Variants in UGGT1 observed in about 807,000 individuals in gnomAD.
UGGT1 encodes UDP-glucose glycoprotein glucosyltransferase 1, also known as UDP-glucose:glycoprotein glucosyltransferase 1.
UGGT1 carries 107 observed loss-of-function variants against 203.9 expected under a neutral mutation model. That is an observed-to-expected ratio of 0.52 (90% CI 0.45 to 0.62). The LOEUF is 0.62. Among genes scored for constraint, UGGT1 ranks in the 20% least tolerant of loss-of-function variants. The pLI, the probability that UGGT1 is intolerant of heterozygous loss-of-function variation, is 0.00. For missense variants in UGGT1, 1,673 were observed against 1,867.2 expected (o/e 0.90, Z 1.92); for synonymous variants, 628 against 653.5 (o/e 0.96, Z 0.59).
chr2:128,177,004 T>C, intron 32 of UGGT1, 106 bp downstream of exon 32: 1 of 1,111,754 alleles, frequency 9.0e-7, no homozygotes, highest in Non-Finnish European at 1.3e-6. Flanking sequence ...CTATGGCAAT[T>C]ATAGGGATAC....
chr2:128,176,870 A>G lies in UGGT1; in HGVS notation c.3596A>G (p.Asn1199Ser). ...DADEVVIVLNNFKSKIIKVKV... is the reference protein window; with the variant it reads ...DADEVVIVLNSFKSKIIKVKV... ...GATGAGGTGGTTATCGTCCTCAACA[A>G]CTTCAAAAGCAAAATTATTAAAGTG... Residue 1199 changes from asparagine (N) to serine (S), a missense_variant, in exon 32 of 41, where the codon AAC becomes AGC. Asn to Ser is a conservative substitution (Grantham distance 46). This residue lies in a region of UGGT1 where 513 missense variants were observed against 684.1 expected (regional missense o/e 0.75). Coordinates refer to ENST00000259253, the MANE Select transcript of UGGT1 (RefSeq NM_020120.4). 6.2e-7 allele frequency: 1 copy of G among 1,614,134 alleles called. No homozygotes were observed. The highest frequency in any genetic ancestry group is 8.5e-7 in the Non-Finnish European group (1 of 1,180,008).
intron 10 of UGGT1, among the ~76,000 whole-genome samples, 172 bp downstream of exon 10, chr2:128,121,470 ATC>A (rs1271777264): frequency 2.7e-5 from 4 of 147,810 alleles, no homozygotes; most frequent in African/African-American, 5.0e-5. Context: ...CAGTGGTGCA[ATC>A]TCGGCTTACC....
intron 36 of UGGT1, 125 bp from the exon 37 acceptor site, chr2:128,182,005 T>A: frequency 1.2e-6 from 1 of 843,828 alleles, no homozygotes. Flanking sequence ...CTGCCCCTAG[T>A]GCCTGTGCCA....
intron 33 of UGGT1, 102 bp downstream of exon 33, chr2:128,178,022 C>A: frequency 1.0e-6 from 1 of 992,090 alleles, no homozygotes; most frequent in East Asian, 2.7e-5. Context: ...GGGCCTTTCA[C>A]ATTCTACTTT....
chr2:128,172,883 T>G lies in UGGT1; in HGVS notation c.3294+121T>G. Reference sequence around the variant, plus strand: ...GTATGATATTTTTTTAAACAACAGCTTTATTCACATGGAACTCATATACCA... The same window carrying G: ...GTATGATATTTTTTTAAACAACAGCGTTATTCACATGGAACTCATATACCA... On this transcript the variant is annotated intron_variant, in intron 29 of 40. Transcript: ENST00000259253. 1.3e-5 allele frequency: 12 copies of G among 907,568 alleles called. No homozygotes were observed. In the South Asian group the frequency reaches 2.1e-4, roughly 16 times the overall value. 56.2% of individuals were successfully genotyped at this position (907,568 alleles called of 1,614,324 possible).
At chr2:128,183,937 T>TGTGTGTGAGA (rs151153786) in intron 38 of UGGT1, 148 bp downstream of exon 38, 25 of 328,594 alleles carry the variant, frequency 7.6e-5, no homozygotes, top group Admixed American at 1.4e-4. Context: ...TGTGTGTGTG[T>TGTGTGTGAGA]GAGAGAGAGA....
At chr2:128,146,123 A>G (rs1312389465) in intron 18 of UGGT1, among the ~76,000 whole-genome samples, 156 bp downstream of exon 18, 1 of 152,156 alleles carries the variant, frequency 6.6e-6, no homozygotes, top group African/African-American at 2.4e-5. Flanking sequence ...AACCTGGGCA[A>G]TATGGCAAGA....
At position 128,142,584 on chromosome 2, in the gene UGGT1, C is replaced by CA. The variant is rs140971109; in HGVS notation, c.1720-493dup. Among the ~76,000 whole-genome samples the CA allele has an allele frequency of 9.5e-3, 543 of 57,132 alleles. 3 individuals are homozygous for CA. Among genetic ancestry groups the CA allele is most frequent in the Middle Eastern group, 0.071 (5 of 70 alleles). 37.5% of individuals were successfully genotyped at this position (57,132 alleles called of 152,430 possible). On this transcript the variant is annotated intron_variant, in intron 16 of 40. Coordinates refer to ENST00000259253, the MANE Select transcript of UGGT1 (RefSeq NM_020120.4). ...TGGGTGACAGAGTGAGACTCCATCT[C>CA]AAAAAAAAAAAAAAAAAGAATATTT... is the stretch of plus-strand genomic sequence containing the variant.
At chr2:128,113,454 C>T (rs909021594) in intron 6 of UGGT1, among the ~76,000 whole-genome samples, 196 bp downstream of exon 6, 1 of 152,136 alleles carries the variant, frequency 6.6e-6, no homozygotes, top group Non-Finnish European at 1.5e-5. Flanking sequence ...AAATATAAAA[C>T]ATGCTAAAAA....
In UGGT1 at chr2:128,161,222, C is replaced by A; in HGVS notation, c.2779C>A (p.Gln927Lys). ...AAATATCATCTTAAAAACCTCAGGA[C>A]AGAAAATAAAATCTCATATTCAACA... ...LENIILKTSG[Q>K]KIKSHIQQLR... The change falls in exon 25 of 41, where the codon CAG (glutamine) becomes AAG (lysine). Residue 927 changes from glutamine (Q) to lysine (K), a missense_variant. Physicochemically the swap from Gln to Lys is moderately conservative, Grantham distance 53 (BLOSUM62 1). Around this residue, in one of 4 missense-constraint regions of UGGT1, gnomAD observed 1,073 missense variants for 1,078.7 expected, o/e 0.99. Transcript: ENST00000259253. 1 of 1,613,898 alleles carries A rather than the reference C, an allele frequency of 6.2e-7. No individual in the cohort carries two copies. The highest frequency in any genetic ancestry group is 1.3e-5 in the African/African-American group (1 of 75,008).
intron 1 of UGGT1, among the ~76,000 whole-genome samples, chr2:128,093,864 A>G (rs1000909703): frequency 2.0e-5 from 3 of 152,240 alleles, no homozygotes; most frequent in African/African-American, 4.8e-5. Flanking sequence ...AGTGCCAGGC[A>G]TCATGCTGTG....
chr2:128,170,167 TC>T, intron 26 of UGGT1, 120 bp from the exon 27 acceptor site: 1 of 738,796 alleles, frequency 1.4e-6, no homozygotes, highest in Non-Finnish European at 2.3e-6. Flanking sequence ...ACTGTCATAG[TC>T]TAGTCTTTCT....
chr2:128,174,948 CAACATG>C (rs1387313496), intron 31 of UGGT1, 90 bp downstream of exon 31: 1 of 1,098,660 alleles, frequency 9.1e-7, no homozygotes, highest in Non-Finnish European at 1.3e-6. Flanking sequence ...GTTAGCCAGG[CAACATG>C]AATTTAATTT....
intron 38 of UGGT1, among the ~76,000 whole-genome samples, chr2:128,185,261 G>A (rs374632648): frequency 6.7e-6 from 1 of 149,206 alleles, no homozygotes; most frequent in East Asian, 2.0e-4. Context: ...GTGCAGTGGC[G>A]TAATCTCAGC....
Position 128,116,279 on chromosome 2 carries a change from A to C in UGGT1, c.808A>C (p.Thr270Pro). 6.2e-7 allele frequency: 1 copy of C among 1,608,748 alleles called. No individual in the cohort carries two copies. The highest frequency in any genetic ancestry group is 8.5e-7 in the Non-Finnish European group (1 of 1,175,374). ...DTQVKGTEVN[T>P]TVIGENDPID... ...TTCTTTCATAGGAACTGAGGTAAAC[A>C]CCACAGTGATTGGTGAAAATGATCC... The change falls in exon 8 of 41, where the codon ACC becomes CCC. Residue 270 changes from threonine (T) to proline (P), a missense_variant. By Grantham distance (38) the Thr-to-Pro change is conservative. Around this residue, in one of 4 missense-constraint regions of UGGT1, gnomAD observed 1,073 missense variants for 1,078.7 expected, o/e 0.99. Coordinates refer to ENST00000259253, the MANE Select transcript of UGGT1 (RefSeq NM_020120.4).
At position 128,189,976 on chromosome 2, in the gene UGGT1, A is replaced by C; in HGVS notation, c.*234A>C. The C allele has an allele frequency of 2.1e-6, 1 of 475,780 alleles. No individual in the cohort carries two copies. The highest frequency in any genetic ancestry group is 3.8e-6 in the Non-Finnish European group (1 of 263,970). 29.5% of individuals were successfully genotyped at this position (475,780 alleles called of 1,614,324 possible). On this transcript the variant is annotated 3_prime_UTR_variant, in exon 41 of 41. Coordinates refer to ENST00000259253, the MANE Select transcript of UGGT1 (RefSeq NM_020120.4). The stretch of plus-strand genomic sequence containing the variant: ...GAAGACCAAGTGGCTGATCCTTTGG[A>C]CTCTGTAAAGAGCATTCTTCTAGTC...
chr2:128,157,209 C>A, intron 21 of UGGT1, 43 bp from the exon 22 acceptor site: 1 of 1,353,214 alleles, frequency 7.4e-7, no homozygotes. Context: ...ACAGAATGTG[C>A]TTCTCTCCTC....
rs73955967 is a variant in UGGT1 at position 128,170,312 on chromosome 2, A to T, written c.2946A>T (p.Glu982Asp). 1,477 of 1,614,204 alleles carry T rather than the reference A, an allele frequency of 9.2e-4. 10 individuals carry two copies. The African/African-American group carries it at 0.014, about 16-fold the overall frequency. Residue 982 changes from glutamate (E) to aspartate (D), a missense_variant, in exon 27 of 41, where the codon GAA (glutamate) becomes GAT (aspartate). Physicochemically the swap from Glu to Asp is conservative, Grantham distance 45. This residue lies in a region of UGGT1 where 1,073 missense variants were observed against 1,078.7 expected (regional missense o/e 0.99). Transcript: ENST00000259253. ...GTGCAATCAAACTGAGGCCGAAGGA[A>T]GGGGAGACATACTTTGATGTTGTGG... is the stretch of plus-strand genomic sequence containing the variant. ...RHSAIKLRPKEGETYFDVVAV... is the reference protein window; with the variant it reads ...RHSAIKLRPKDGETYFDVVAV...
At chr2:128,175,884 A>G (rs562624334) in intron 31 of UGGT1, among the ~76,000 whole-genome samples, 1 of 152,296 alleles carries the variant, frequency 6.6e-6, no homozygotes, top group East Asian at 1.9e-4. Context: ...TGTAATTATG[A>G]CTTTCTGCAC....
Sources: allele counts gnomAD v4.1 joint callset (sites outside exome capture counted in the v4.1 genomes callset), GRCh38; gene constraint gnomAD v4.1.1; regional missense constraint gnomAD v4.1.1; transcripts MANE v1.5; gene names NCBI Gene and HGNC (gene_info 2026-07-23, HGNC 2026-07-21).